MRPS26: variants seen among roughly 807,000 people sequenced by gnomAD.
MRPS26 encodes small ribosomal subunit protein mS26.
MRPS26 carries 26 observed loss-of-function variants against 22.7 expected under a neutral mutation model. That is an observed-to-expected ratio of 1.15 (90% confidence interval 0.84 to 1.59). The LOEUF is 1.59. MRPS26 is among the 40% of genes most tolerant of loss of function. The pLI is 0.00. For synonymous variants in MRPS26, 120 were observed against 124.0 expected (o/e 0.97, Z 0.22); for missense variants, 291 against 287.7 (o/e 1.01, Z -0.08).
rs137948758 is a variant in MRPS26, at chr20:3,047,792, T to C, written c.541T>C (p.Leu181=). 5.8e-5 allele frequency: 93 copies of C among 1,613,604 alleles called. No individual in the cohort carries two copies. The highest frequency in any genetic ancestry group is 6.7e-5 in the Non-Finnish European group (79 of 1,179,868). Residue 181 remains leucine, a synonymous_variant, in exon 4 of 4, where the codon TTG becomes CTG. Transcript: ENST00000380325. ...CCTGGAGGCACGGGTGGAAGCAGCA[T>C]TGGACTCCCGGAAGAACTACAACTG... ...ENLEARVEAA[L]DSRKNYNWAI...
chr20:3,046,337 G>T, intron 1 of MRPS26, 36 bp from the exon 2 acceptor site: 4 of 1,606,226 alleles, frequency 2.5e-6, no homozygotes, highest in Non-Finnish European at 3.4e-6. Flanking sequence ...GGGAGTGGGC[G>T]GAGAGGGTGC....
Position 3,047,801 on chromosome 20 carries a change from C to G in MRPS26, c.550C>G (p.Arg184Gly). The G allele has an allele frequency of 2.5e-6, 4 of 1,613,716 alleles. No individual in the cohort carries two copies. Among genetic ancestry groups the G allele is most frequent in the Non-Finnish European group, 2.5e-6 (3 of 1,179,832 alleles). ...ACGGGTGGAAGCAGCATTGGACTCC[C>G]GGAAGAACTACAACTGGGCCATCAC... ...EARVEAALDS[R>G]KNYNWAITRE... The change falls in exon 4 of 4, where the codon CGG becomes GGG. Residue 184 changes from arginine (R) to glycine (G), a missense_variant. Arg to Gly is a moderately radical substitution (Grantham distance 125). Coordinates refer to ENST00000380325, the MANE Select transcript of MRPS26 (RefSeq NM_030811.4).
At position 3,047,777 on chromosome 20, in the gene MRPS26, C is replaced by T. The variant is rs748422489; in HGVS notation, c.526C>T (p.Arg176Trp). ...NFITRENLEARVEAALDSRKN... is the reference protein window; with the variant it reads ...NFITRENLEAWVEAALDSRKN... ...CATCACCCGAGAGAACCTGGAGGCACGGGTGGAAGCAGCATTGGACTCCCG... is the reference window on the plus strand; with the variant it reads ...CATCACCCGAGAGAACCTGGAGGCATGGGTGGAAGCAGCATTGGACTCCCG... The change falls in exon 4 of 4, where the codon CGG becomes TGG. Residue 176 changes from arginine (R) to tryptophan (W), a missense_variant. Coordinates refer to ENST00000380325, the MANE Select transcript of MRPS26 (RefSeq NM_030811.4). 18 of 1,613,442 alleles carry T rather than the reference C, an allele frequency of 1.1e-5. No individual in the cohort carries two copies. The highest frequency in any genetic ancestry group is 6.6e-5 in the South Asian group (6 of 91,022).
Position 3,046,186 on chromosome 20 carries a change from G to A in MRPS26, c.118G>A (p.Glu40Lys), listed in dbSNP as rs202085798. ...CGACCCGCTGGCCAAATCCAAGATC[G>A]AGCGAGTGAACATGCCGCCCGCGGT... ...RHDPLAKSKIERVNMPPAVDP... is the reference protein window; with the variant it reads ...RHDPLAKSKIKRVNMPPAVDP... The change falls in exon 1 of 4, where the codon GAG (glutamate) becomes AAG (lysine). Residue 40 changes from glutamate (E) to lysine (K), a missense_variant. Transcript: ENST00000380325. 84 of 1,600,466 alleles carry A rather than the reference G, an allele frequency of 5.2e-5. No homozygotes were observed. The highest frequency in any genetic ancestry group is 2.2e-4 in the Admixed American group (13 of 59,986).
chr20:3,046,101 G>A lies in MRPS26; in HGVS notation c.33G>A (p.Gly11=), dbSNP rs766267894. Residue 11 remains glycine, a synonymous_variant, in exon 1 of 4, where the codon GGG becomes GGA. Transcript: ENST00000380325. Reference sequence around the variant, plus strand: ...GCGCGCTGAGCCGCCTGGGCGCGGGGACCCCGTGCAGGCCCCGGGCCCCTC... The same window carrying A: ...GCGCGCTGAGCCGCCTGGGCGCGGGAACCCCGTGCAGGCCCCGGGCCCCTC... MLRALSRLGA[G]TPCRPRAPLV... The A allele has an allele frequency of 6.4e-7, 1 of 1,550,664 alleles. No homozygotes were observed. The highest frequency in any genetic ancestry group is 8.6e-7 in the Non-Finnish European group (1 of 1,156,810).
Position 3,046,649 on chromosome 20 carries a change from A to AGCAGCG in MRPS26, c.400_405dup (p.Arg134_Gln135dup). On this transcript the variant is annotated inframe_insertion, in exon 3 of 4. Coordinates refer to ENST00000380325, the MANE Select transcript of MRPS26 (RefSeq NM_030811.4). ...CTGCGGCAGGAGGAGCGGGAGCAGG[A>AGCAGCG]GCAGCGGCAGGCGTTGGAGCAGGCC... The AGCAGCG allele has an allele frequency of 1.3e-6, 2 of 1,541,554 alleles. No individual in the cohort carries two copies. The highest frequency in any genetic ancestry group is 1.8e-6 in the Non-Finnish European group (2 of 1,140,934).
At chr20:3,046,593 T>A in intron 2 of MRPS26, 21 bp from the exon 3 acceptor site, 1 of 1,537,068 alleles carries the variant, frequency 6.5e-7, no homozygotes. Flanking sequence ...CCGCTCAGCC[T>A]CGGCCCTTTG....
At position 3,046,594 on chromosome 20, in the gene MRPS26, C is replaced by CGGCCCTTT; in HGVS notation, c.360-18_360-11dup. 1 of 1,536,448 alleles carries CGGCCCTTT rather than the reference C, an allele frequency of 6.5e-7. No homozygotes were observed. Among genetic ancestry groups the CGGCCCTTT allele is most frequent in the Non-Finnish European group, 8.8e-7 (1 of 1,140,044 alleles). ...GAGAAGCCCGGGCCCCGCTCAGCCT[C>CGGCCCTTT]GGCCCTTTGACCCTCACAGGATAGC... On this transcript the variant is annotated intron_variant, in intron 2 of 3. Coordinates refer to ENST00000380325, the MANE Select transcript of MRPS26 (RefSeq NM_030811.4).
rs146753864 is a variant in MRPS26 at position 3,046,400 on chromosome 20, G to A, written c.240G>A (p.Arg80=). 2.5e-6 allele frequency: 4 copies of A among 1,608,244 alleles called. No individual in the cohort carries two copies. The highest frequency in any genetic ancestry group is 2.7e-5 in the African/African-American group (2 of 74,818). The change falls in exon 2 of 4, where the codon AGG becomes AGA. Residue 80 remains arginine (R), a synonymous_variant. Transcript: ENST00000380325. ...LRMEFVSEVQ[R]KVHEARAGVL... ...TGGAGTTCGTGTCCGAGGTGCAGAG[G>A]AAGGTGCACGAGGCCCGAGCCGGGG... is the stretch of plus-strand genomic sequence containing the variant.
rs1452689260 is a variant in MRPS26, at chr20:3,048,147, C to T, written c.*278C>T. 4 of 320,828 alleles carry T rather than the reference C, an allele frequency of 1.2e-5. No individual in the cohort carries two copies. The highest frequency in any genetic ancestry group is 2.3e-5 in the Non-Finnish European group (4 of 177,344). The allele number at this position is 320,828 out of a possible 1,614,324, so 19.9% of individuals were successfully genotyped here. A position where few individuals can be genotyped will look rare whatever the true frequency, so the allele number is the denominator to read the frequency against. ...ACAGGGCCACAGCCCCCTCAGGCAGCCAGGTCATCTGAGTATCATTAAGAG... is the reference window on the plus strand; with the variant it reads ...ACAGGGCCACAGCCCCCTCAGGCAGTCAGGTCATCTGAGTATCATTAAGAG... On this transcript the variant is annotated 3_prime_UTR_variant, in exon 4 of 4. Transcript: ENST00000380325. The surrounding 1 kb of genome is among the most constrained non-coding windows in gnomAD (Gnocchi z 4.1).
chr20:3,047,420 G>C (rs1408239966), intron 3 of MRPS26, among the ~76,000 whole-genome samples: 1 of 152,068 alleles, frequency 6.6e-6, no homozygotes, highest in African/African-American at 2.4e-5. Context: ...ATAAAGTAAT[G>C]GGGGGAAGGA....
chr20:3,047,760 G>A lies in MRPS26; in HGVS notation c.509G>A (p.Arg170Gln), dbSNP rs1159346671. ...GAAGAGGTGAAAAACTTCATCACCC[G>A]AGAGAACCTGGAGGCACGGGTGGAA... ...LQEEVKNFIT[R>Q]ENLEARVEAA... is the part of the protein sequence containing the mutation. Residue 170 changes from arginine (R) to glutamine (Q), a missense_variant, in exon 4 of 4, where the codon CGA (arginine) becomes CAA (glutamine). Physicochemically the swap from Arg to Gln is conservative, Grantham distance 43. Coordinates refer to ENST00000380325, the MANE Select transcript of MRPS26 (RefSeq NM_030811.4). 1.9e-6 allele frequency: 3 copies of A among 1,613,716 alleles called. No individual in the cohort carries two copies. The highest frequency in any genetic ancestry group is 1.3e-5 in the African/African-American group (1 of 74,882).
At position 3,046,532 on chromosome 20, in the gene MRPS26, G is replaced by GGAGGC. The variant is rs995994245; in HGVS notation, c.359+15_359+19dup. Reference sequence around the variant, plus strand: ...TGCACGAGCTGCGGTGCGTGGGGCGGGAGGCGGGGCGGGGCGGCGCGGCCT... The same window carrying GGAGGC: ...TGCACGAGCTGCGGTGCGTGGGGCGGGAGGCGAGGCGGGGCGGGGCGGCGCGGCCT... On this transcript the variant is annotated intron_variant, in intron 2 of 3. Coordinates refer to ENST00000380325, the MANE Select transcript of MRPS26 (RefSeq NM_030811.4). 67 of 1,526,158 alleles carry GGAGGC rather than the reference G, an allele frequency of 4.4e-5. No individual in the cohort carries two copies. The Middle Eastern group carries it at 3.6e-3, about 82-fold the overall frequency. The allele number at this position is 1,526,158 out of a possible 1,614,324, so 94.5% of individuals were successfully genotyped here.
In MRPS26 at chr20:3,048,025, G is replaced by A; in HGVS notation, c.*156G>A. 1 of 861,258 alleles carries A rather than the reference G, an allele frequency of 1.2e-6. No individual in the cohort carries two copies. The highest frequency in any genetic ancestry group is 2.1e-5 in the South Asian group (1 of 47,878). 53.4% of individuals were successfully genotyped at this position (861,258 alleles called of 1,614,324 possible). A position where few individuals can be genotyped will look rare whatever the true frequency, so the allele number is the denominator to read the frequency against. The stretch of plus-strand genomic sequence containing the variant: ...TTTTGCCCTCTGCTGTCACCACTTG[G>A]TCAGAAACTTCCAAACGCAGTGCCC... On this transcript the variant is annotated 3_prime_UTR_variant, in exon 4 of 4. Coordinates refer to ENST00000380325, the MANE Select transcript of MRPS26 (RefSeq NM_030811.4). The surrounding 1 kb of genome is among the most constrained non-coding windows in gnomAD (Gnocchi z 4.1).
chr20:3,046,609 C>T lies in MRPS26; in HGVS notation c.360-5C>T, dbSNP rs992526479. On this transcript the variant is annotated splice_region_variant and splice_polypyrimidine_tract_variant and intron_variant, in intron 2 of 3. Coordinates refer to ENST00000380325, the MANE Select transcript of MRPS26 (RefSeq NM_030811.4). ...CGCTCAGCCTCGGCCCTTTGACCCT[C>T]ACAGGATAGCGAGGCTGCGGCAGGA... 1.3e-6 allele frequency: 2 copies of T among 1,539,762 alleles called. No homozygotes were observed. Among genetic ancestry groups the T allele is most frequent in the South Asian group, 2.4e-5 (2 of 83,912 alleles).
chr20:3,047,876 A>G lies in MRPS26; in HGVS notation c.*7A>G. On this transcript the variant is annotated 3_prime_UTR_variant, in exon 4 of 4. Transcript: ENST00000380325. ...ACAACGCAGGGACTCCTAGGGGCCC[A>G]GTAAGGACAGTGCCCGCCAGGGACC... 1 of 1,597,110 alleles carries G rather than the reference A, an allele frequency of 6.3e-7. No individual in the cohort carries two copies. Among genetic ancestry groups the G allele is most frequent in the South Asian group, 1.1e-5 (1 of 88,798 alleles).
chr20:3,047,387 A>AAAATAAAT (rs140175929), intron 3 of MRPS26, among the ~76,000 whole-genome samples: 3 of 150,718 alleles, frequency 2.0e-5, no homozygotes, highest in Admixed American at 6.6e-5. Context: ...ACTCCGTCTC[A>AAAATAAAT]AAATAAATAA....
In MRPS26 at chr20:3,046,675, CGCAAGGCCGAAGAGGTGCAGGCCT is replaced by C. The variant is rs1568720838; in HGVS notation, c.423_446del (p.Lys142_Trp149del). 1 of 1,544,650 alleles carries C rather than the reference CGCAAGGCCGAAGAGGTGCAGGCCT, an allele frequency of 6.5e-7. No individual in the cohort carries two copies. The highest frequency in any genetic ancestry group is 2.4e-5 in the East Asian group (1 of 41,010). On this transcript the variant is annotated inframe_deletion, in exon 3 of 4. Transcript: ENST00000380325. ...GCAGCGGCAGGCGTTGGAGCAGGCCCGCAAGGCCGAAGAGGTGCAGGCCTGGGCGCAGCGCAAGGAGCGGGAAGT... is the reference window on the plus strand; with the variant it reads ...GCAGCGGCAGGCGTTGGAGCAGGCCCGGGCGCAGCGCAAGGAGCGGGAAGT...
rs780197156 is a variant in MRPS26, at chr20:3,046,686, A to G, written c.432A>G (p.Glu144=). 13 of 1,545,604 alleles carry G rather than the reference A, an allele frequency of 8.4e-6. No homozygotes were observed. The highest frequency in any genetic ancestry group is 9.6e-6 in the Non-Finnish European group (11 of 1,146,088). ...CGTTGGAGCAGGCCCGCAAGGCCGA[A>G]GAGGTGCAGGCCTGGGCGCAGCGCA... ...RQALEQARKA[E]EVQAWAQRKE... is the part of the protein sequence containing the mutation. The change falls in exon 3 of 4, where the codon GAA becomes GAG. Residue 144 remains glutamate, a synonymous_variant. Transcript: ENST00000380325.
Sources: gnomAD v4.1 joint callset for allele counts (sites outside exome capture counted in the v4.1 genomes callset) on GRCh38, gnomAD v4.1.1 for gene constraint, Gnocchi (gnomAD v3.1) non-coding constraint, MANE v1.5 for transcripts, NCBI Gene and HGNC (gene_info 2026-07-23, HGNC 2026-07-21) for gene names.